Variants in ASTN2 observed in about 807,000 individuals in gnomAD.
ASTN2 encodes the protein astrotactin-2.
Under a neutral mutation model 139.8 loss-of-function variants are expected in ASTN2, and 54 were observed. The ratio of observed to expected loss-of-function variants is 0.39; its 90% CI spans 0.31 to 0.48. ASTN2 has a LOEUF of 0.48. Ranked by LOEUF, ASTN2 falls within the 20% of genes least tolerant of loss-of-function variation. The pLI is 0.95. For missense variants in ASTN2, 1,565 were observed against 1,725.1 expected (o/e 0.91, Z 1.64); for synonymous variants, 756 against 719.5 (o/e 1.05, Z -0.81).
At chr9:117,349,632 G>A (rs1829328288) in intron 1 of ASTN2, among the ~76,000 whole-genome samples, 1 of 152,126 alleles carries the variant, frequency 6.6e-6, no homozygotes, top group Non-Finnish European at 1.5e-5. Context: ...GAGCTTAATT[G>A]CCCTCTCCTT....
intron 7 of ASTN2, among the ~76,000 whole-genome samples, chr9:116,999,431 A>C (rs10983452): frequency 0.11 from 16,596 of 151,990 alleles, 964 homozygotes; most frequent in African/African-American, 0.12. Context: ...TCTGAAGTTC[A>C]CGGTATGTAA....
chr9:117,381,249 A>G (rs955211077), intron 1 of ASTN2, among the ~76,000 whole-genome samples: 3 of 152,174 alleles, frequency 2.0e-5, no homozygotes, highest in African/African-American at 7.2e-5. Flanking sequence ...GTGACTGCTA[A>G]TGGTTGTGGG....
rs1847259787 is a variant in ASTN2, at chr9:116,424,733, C to T, written c.*1118G>A. On this transcript the variant is annotated 3_prime_UTR_variant, in exon 23 of 23. Transcript: ENST00000313400. ...GCTGGGATTGATTACAGGCACGTGC[C>T]ACCATGCCCTGCTATTTTTTATTTT... is the stretch of plus-strand genomic sequence containing the variant. 6.6e-6 allele frequency among the ~76,000 whole-genome samples: 1 copy of T among 151,980 alleles called. No homozygotes were observed.
At chr9:116,634,589 CAAAAAAAAAAAAAAAAA>C (rs57882262) in intron 17 of ASTN2, among the ~76,000 whole-genome samples, 4 of 104,238 alleles carry the variant, frequency 3.8e-5, no homozygotes, top group Non-Finnish European at 7.8e-5. Flanking sequence ...GACTCCGTCT[CAAAAAAAAAAAAAAAAA>C]AAAAAAAAAA....
intron 19 of ASTN2, chr9:116,584,307 A>T (rs1276144295): frequency 6.9e-6 from 1 of 143,956 alleles, no homozygotes; most frequent in Non-Finnish European, 1.5e-5. Context: ...AGACAGCATT[A>T]CTCTCCTTGC....
intron 7 of ASTN2, among the ~76,000 whole-genome samples, chr9:116,986,001 A>C (rs1836667650): frequency 6.6e-6 from 1 of 152,192 alleles, no homozygotes; most frequent in African/African-American, 2.4e-5. Flanking sequence ...GAAAACGGGC[A>C]TCTTAAACCC....
At chr9:116,678,447 C>T (rs1029083593) in intron 16 of ASTN2, among the ~76,000 whole-genome samples, 1 of 152,128 alleles carries the variant, frequency 6.6e-6, no homozygotes, top group East Asian at 1.9e-4. Flanking sequence ...ACTGGAGAAA[C>T]AGTTTTACAT....
At chr9:116,830,411 A>C (rs1252503059) in intron 11 of ASTN2, among the ~76,000 whole-genome samples, 2 of 55,222 alleles carry the variant, frequency 3.6e-5, no homozygotes, top group Non-Finnish European at 8.0e-5. Context: ...AGACAGTATG[A>C]AGGTTTTTTT....
intron 22 of ASTN2, among the ~76,000 whole-genome samples, chr9:116,431,805 C>T (rs1039575828): frequency 1.3e-5 from 2 of 152,116 alleles, no homozygotes; most frequent in Non-Finnish European, 2.9e-5. Context: ...ATTGATTTGA[C>T]CAGGGTGACA....
At chr9:117,003,951 C>CGTGTGTGTGTGTGTGTGTGT (rs1459356130) in intron 7 of ASTN2, among the ~76,000 whole-genome samples, 6 of 130,940 alleles carry the variant, frequency 4.6e-5, no homozygotes, top group African/African-American at 1.9e-4. Flanking sequence ...CGCGCGCGCG[C>CGTGTGTGTGTGTGTGTGTGT]GCGTGTGTGT....
At chr9:117,168,725 T>G (rs1202482420) in intron 3 of ASTN2, among the ~76,000 whole-genome samples, 1 of 152,132 alleles carries the variant, frequency 6.6e-6, no homozygotes, top group Non-Finnish European at 1.5e-5. Flanking sequence ...TAACTCATAG[T>G]AAAAAATACG....
At chr9:117,212,809 G>A (rs1357703410) in intron 3 of ASTN2, among the ~76,000 whole-genome samples, 1 of 152,132 alleles carries the variant, frequency 6.6e-6, no homozygotes, top group Non-Finnish European at 1.5e-5. Flanking sequence ...AGAATGCGGA[G>A]AAAAGAAAAC....
At chr9:116,668,053 G>A (rs369708575) in intron 16 of ASTN2, among the ~76,000 whole-genome samples, 2 of 151,868 alleles carry the variant, frequency 1.3e-5, no homozygotes, top group East Asian at 1.9e-4. Flanking sequence ...CTAAAAATAC[G>A]GTGTGCTCCA....
At chr9:116,646,468 G>A (rs568491725) in intron 17 of ASTN2, among the ~76,000 whole-genome samples, 2 of 152,250 alleles carry the variant, frequency 1.3e-5, no homozygotes, top group East Asian at 3.9e-4. Flanking sequence ...TAGTGGCAGA[G>A]TTGGAGAAAA....
At chr9:117,238,761 C>A (rs1285836224) in intron 2 of ASTN2, among the ~76,000 whole-genome samples, 1 of 152,172 alleles carries the variant, frequency 6.6e-6, no homozygotes, top group Non-Finnish European at 1.5e-5. Flanking sequence ...TGGTGCCTAG[C>A]TCCAGTGACC....
At position 117,002,672 on chromosome 9, in the gene ASTN2, G is replaced by A. The variant is rs7033578; in HGVS notation, c.1591+5420C>T. Among the ~76,000 whole-genome samples the A allele has an allele frequency of 4.9e-3, 750 of 152,224 alleles. 5 individuals carry two copies. Among genetic ancestry groups the A allele is most frequent in the African/African-American group, 0.017 (688 of 41,542 alleles). Reference sequence around the variant, plus strand: ...CAAGAAGCATCAGGAGGAAAATTCCGTTCTTCCTTCCTGCTTGTATTATTC... The same window carrying A: ...CAAGAAGCATCAGGAGGAAAATTCCATTCTTCCTTCCTGCTTGTATTATTC... On this transcript the variant is annotated intron_variant, in intron 7 of 22. Transcript: ENST00000313400.
At chr9:116,898,733 G>T (rs1369089067) in intron 10 of ASTN2, among the ~76,000 whole-genome samples, 3 of 152,130 alleles carry the variant, frequency 2.0e-5, no homozygotes, top group South Asian at 2.1e-4. Flanking sequence ...GCAGTGGCAC[G>T]TTCACATCTC....
At chr9:117,382,003 G>A (rs1830284817) in intron 1 of ASTN2, among the ~76,000 whole-genome samples, 1 of 152,162 alleles carries the variant, frequency 6.6e-6, no homozygotes, top group Admixed American at 6.5e-5. Context: ...GGGAGCAAGA[G>A]AGAGTGATAG....
At chr9:117,383,811 T>C (rs961756122) in intron 1 of ASTN2, among the ~76,000 whole-genome samples, 3 of 152,224 alleles carry the variant, frequency 2.0e-5, no homozygotes, top group East Asian at 3.8e-4. Context: ...TGGGAGCTGA[T>C]ACAAATGGAG....
Sources: gnomAD v4.1 joint callset for allele counts (sites outside exome capture counted in the v4.1 genomes callset) on GRCh38, gnomAD v4.1.1 for gene constraint, MANE v1.5 for transcripts, NCBI Gene and HGNC (gene_info 2026-07-23, HGNC 2026-07-21) for gene names.